The following TMC1 variants were observed in gnomAD, a reference collection of about 807,000 sequenced individuals.
TMC1 encodes transmembrane channel-like protein 1.
TMC1 carries 84 observed loss-of-function variants against 105.8 expected under a neutral mutation model. That is an observed-to-expected ratio of 0.79 (90% confidence interval 0.67 to 0.95). The LOEUF (loss-of-function observed/expected upper bound fraction) is 0.95. Among genes scored for constraint, TMC1 ranks in the 40% least tolerant of loss-of-function variants. TMC1 has a pLI of 0.00. For missense variants in TMC1, 817 were observed against 914.1 expected, an observed-to-expected ratio of 0.89 and a Z score of 1.37; for synonymous variants, 315 against 311.5, an observed-to-expected ratio of 1.01 and a Z score of -0.12.
intron 13 of TMC1, among the ~76,000 whole-genome samples, chr9:72,773,388 G>A (rs1239430327): frequency 6.6e-6 from 1 of 152,132 alleles, no homozygotes. Flanking sequence ...GGGGAAAAGT[G>A]CAAAGTCACC....
intron 3 of TMC1, among the ~76,000 whole-genome samples, 170 bp downstream of exon 3, chr9:72,616,647 T>G (rs1825135351): frequency 1.0e-5 from 1 of 100,118 alleles, no homozygotes; most frequent in Admixed American, 8.9e-5. Context: ...ACCTAATTTG[T>G]AAGTGATGCA....
chr9:72,528,871 G>A (rs1823449671), intron 1 of TMC1, among the ~76,000 whole-genome samples: 1 of 151,830 alleles, frequency 6.6e-6, no homozygotes, highest in African/African-American at 2.4e-5. Flanking sequence ...GACAAATACA[G>A]TTGACCCTCT....
At chr9:72,766,699 G>A (rs574844955) in intron 12 of TMC1, among the ~76,000 whole-genome samples, 19 of 152,250 alleles carry the variant, frequency 1.2e-4, no homozygotes, top group African/African-American at 4.6e-4. Flanking sequence ...AGAGATCACT[G>A]TCTACAGTCC....
chr9:72,590,201 A>G (rs1349935077), intron 2 of TMC1, among the ~76,000 whole-genome samples: 5 of 152,228 alleles, frequency 3.3e-5, no homozygotes, highest in African/African-American at 1.2e-4. Context: ...GAAAAATTCT[A>G]TAACAAGTGT....
At chr9:72,571,782 C>A (rs1388526249) in intron 1 of TMC1, among the ~76,000 whole-genome samples, 6 of 151,260 alleles carry the variant, frequency 4.0e-5, no homozygotes, top group African/African-American at 1.5e-4. Flanking sequence ...TTGCAATTTG[C>A]TTTCTTTAGA....
intron 5 of TMC1, among the ~76,000 whole-genome samples, chr9:72,676,045 T>G (rs1826197028): frequency 6.6e-6 from 1 of 152,126 alleles, no homozygotes; most frequent in Non-Finnish European, 1.5e-5. Context: ...ATCCTCCAAT[T>G]GGTAACAAGA....
At chr9:72,577,743 G>A (rs1824408735) in intron 1 of TMC1, 159 bp from the exon 2 acceptor site, 2 of 152,100 alleles carry the variant, frequency 1.3e-5, no homozygotes, top group East Asian at 1.9e-4. Flanking sequence ...ACAAGCTGGA[G>A]TTTCAAGGGA....
chr9:72,786,011 A>G (rs1828162174), intron 13 of TMC1, among the ~76,000 whole-genome samples: 1 of 152,198 alleles, frequency 6.6e-6, no homozygotes, highest in African/African-American at 2.4e-5. Flanking sequence ...AGGCTACATT[A>G]TAGTGACCCT....
chr9:72,826,342 C>A (rs1331400911), intron 20 of TMC1, among the ~76,000 whole-genome samples: 1 of 152,064 alleles, frequency 6.6e-6, no homozygotes, highest in African/African-American at 2.4e-5. Flanking sequence ...AGGGAAAAAA[C>A]CCATGATTCG....
Position 72,789,089 on chromosome 9 carries a change from G to C in TMC1, c.1030-34G>C, listed in dbSNP as rs779809341. 3.1e-6 allele frequency: 5 copies of C among 1,603,330 alleles called. No homozygotes were observed. The African/African-American group carries it at 6.7e-5, about 21-fold the overall frequency. Reference sequence around the variant, plus strand: ...ATGTAGCTAAGATATTCTATTTTGGGTTTTTGTTTGTTTGTTTGTTTTCAT... The same window carrying C: ...ATGTAGCTAAGATATTCTATTTTGGCTTTTTGTTTGTTTGTTTGTTTTCAT... On this transcript the variant is annotated intron_variant, in intron 14 of 23. Coordinates refer to ENST00000297784, the MANE Select transcript of TMC1 (RefSeq NM_138691.3).
At chr9:72,559,859 T>G (rs1824015421) in intron 1 of TMC1, among the ~76,000 whole-genome samples, 1 of 152,198 alleles carries the variant, frequency 6.6e-6, no homozygotes. Context: ...CTTTGGATAT[T>G]AAGAAGTGTT....
intron 4 of TMC1, among the ~76,000 whole-genome samples, chr9:72,640,600 G>A (rs1269953902): frequency 1.3e-5 from 2 of 151,502 alleles, no homozygotes; most frequent in African/African-American, 4.9e-5. Context: ...TCTCAAAATG[G>A]TTTTTACTTG....
chr9:72,722,648 C>T (rs972898206), intron 8 of TMC1, among the ~76,000 whole-genome samples: 2 of 152,046 alleles, frequency 1.3e-5, no homozygotes, highest in Admixed American at 1.3e-4. Context: ...GCTTTGTATG[C>T]AATATTTAAT....
At chr9:72,792,487 C>A in intron 17 of TMC1, 135 bp downstream of exon 17, 2 of 1,055,088 alleles carry the variant, frequency 1.9e-6, no homozygotes, top group Non-Finnish European at 2.9e-6. Flanking sequence ...TGACTGTGTG[C>A]TGGCTCTGAA....
chr9:72,582,907 T>C (rs1269380885), intron 2 of TMC1, among the ~76,000 whole-genome samples: 1 of 152,160 alleles, frequency 6.6e-6, no homozygotes, highest in Non-Finnish European at 1.5e-5. Context: ...GAAGCATAAA[T>C]GTTTTCATTG....
At chr9:72,747,148 G>T (rs1451860015) in intron 10 of TMC1, among the ~76,000 whole-genome samples, 1 of 151,914 alleles carries the variant, frequency 6.6e-6, no homozygotes, top group Non-Finnish European at 1.5e-5. Context: ...TTTCAGACAG[G>T]AAATAGCTTT....
At chr9:72,673,790 A>G (rs1826161385) in intron 5 of TMC1, among the ~76,000 whole-genome samples, 1 of 152,212 alleles carries the variant, frequency 6.6e-6, no homozygotes, top group African/African-American at 2.4e-5. Flanking sequence ...AAATTATCCT[A>G]CAAAACGTAT....
intron 2 of TMC1, among the ~76,000 whole-genome samples, chr9:72,587,346 C>T (rs4573345): frequency 0.038 from 5,742 of 152,084 alleles, 153 homozygotes; most frequent in Middle Eastern, 0.095. Context: ...TTAATAGAGA[C>T]GAGGTTTTAC....
At chr9:72,821,502 C>CAAAAAA (rs35069464) in intron 20 of TMC1, among the ~76,000 whole-genome samples, 3 of 105,564 alleles carry the variant, frequency 2.8e-5, no homozygotes, top group African/African-American at 7.0e-5. Flanking sequence ...AACTCTGTCT[C>CAAAAAA]AAAAAAAAAA....
Sources: allele counts gnomAD v4.1 joint callset (sites outside exome capture counted in the v4.1 genomes callset), GRCh38; gene constraint gnomAD v4.1.1; transcripts MANE v1.5; gene names NCBI Gene and HGNC (gene_info 2026-07-23, HGNC 2026-07-21).